The following RUNX2 variants were observed in gnomAD, a reference collection of about 807,000 sequenced individuals.
RUNX2 encodes RUNX family transcription factor 2, also known as runt-related transcription factor 2.
In RUNX2, 10 loss-of-function variants were observed where a neutral mutation model predicts 51.7. The ratio of observed to expected loss-of-function variants is 0.19; its 90% CI spans 0.12 to 0.33. The LOEUF is 0.33. Ranked by LOEUF, RUNX2 falls within the 10% of genes least tolerant of loss-of-function variation. The pLI is 1.00. For missense variants in RUNX2, 562 were observed against 691.3 expected, an observed-to-expected ratio of 0.81 and a Z score of 2.10; for synonymous variants, 276 against 273.6, an observed-to-expected ratio of 1.01 and a Z score of -0.09.
chr6:45,399,143 A>G (rs1797643722), intron 2 of RUNX2, among the ~76,000 whole-genome samples: 1 of 151,324 alleles, frequency 6.6e-6, no homozygotes, highest in Admixed American at 6.6e-5. Flanking sequence ...CCATTTTTCT[A>G]CTCCCCTGAC....
chr6:45,532,201 A>G (rs1027919867), intron 7 of RUNX2, among the ~76,000 whole-genome samples: 2 of 106,038 alleles, frequency 1.9e-5, no homozygotes, highest in African/African-American at 7.0e-5. Context: ...CATTGAATGT[A>G]TAGCTTTATT....
Position 45,449,581 on chromosome 6 carries a change from G to A in RUNX2, c.685+11530G>A, listed in dbSNP as rs1343009681. On this transcript the variant is annotated intron_variant, in intron 5 of 8. Coordinates refer to ENST00000647337, the MANE Select transcript of RUNX2 (RefSeq NM_001024630.4). ...TTTGTCAAGTCTGTGTAAGTGTTGG[G>A]CCCAGGGGATTCTTGGTTGATGTGA... is the stretch of plus-strand genomic sequence containing the variant. Among the ~76,000 whole-genome samples, 4 of 152,160 alleles carry A rather than the reference G, an allele frequency of 2.6e-5. No individual in the cohort carries two copies. The South Asian group carries it at 8.3e-4, about 31-fold the overall frequency.
At position 45,334,427 on chromosome 6, in the gene RUNX2, C is replaced by T. The variant is rs1010900510; in HGVS notation, c.58+5643C>T. ...ATAGTCATGTATCTTACACCTACAT[C>T]TATTTTGTGCTTCAGGAAAAGCAAA... On this transcript the variant is annotated intron_variant, in intron 2 of 8. Coordinates refer to ENST00000647337, the MANE Select transcript of RUNX2 (RefSeq NM_001024630.4). Among the ~76,000 whole-genome samples, 7 of 124,192 alleles carry T rather than the reference C, an allele frequency of 5.6e-5. No homozygotes were observed. In the South Asian group the frequency reaches 8.2e-4, roughly 15 times the overall value. 81.5% of individuals were successfully genotyped at this position (124,192 alleles called of 152,430 possible). A position where few individuals can be genotyped will look rare whatever the true frequency, so the allele number is the denominator to read the frequency against.
At chr6:45,387,601 C>T (rs570708459) in intron 2 of RUNX2, among the ~76,000 whole-genome samples, 6 of 152,276 alleles carry the variant, frequency 3.9e-5, no homozygotes, top group Admixed American at 2.0e-4. Context: ...TCTAAATGTC[C>T]ACATACTCTC....
intron 7 of RUNX2, among the ~76,000 whole-genome samples, chr6:45,517,830 T>A (rs181126365): frequency 4.6e-5 from 7 of 152,248 alleles, no homozygotes; most frequent in Admixed American, 4.6e-4. Flanking sequence ...ATTTGAGTAC[T>A]CAAGGTCTGT....
intron 5 of RUNX2, 58 bp from the exon 6 acceptor site, chr6:45,491,883 G>C: frequency 6.5e-7 from 1 of 1,544,558 alleles, no homozygotes; most frequent in Non-Finnish European, 8.9e-7. Flanking sequence ...TATCTATTTA[G>C]CATGGTCAAT....
intron 2 of RUNX2, among the ~76,000 whole-genome samples, chr6:45,349,497 A>G (rs1348226631): frequency 2.6e-5 from 4 of 152,198 alleles, no homozygotes; most frequent in African/African-American, 9.7e-5. Flanking sequence ...ATTTATTTGA[A>G]AGGCAAATTG....
rs763586286 is a variant in RUNX2, at chr6:45,328,451, A to T, written c.-76A>T. On this transcript the variant is annotated 5_prime_UTR_variant, in exon 1 of 9. Transcript: ENST00000647337. Reference sequence around the variant, plus strand: ...CAGGTCACTACCAGCCACCGAGACCAACAGAGTCAGTGAGTGCTCTCTAAC... The same window carrying T: ...CAGGTCACTACCAGCCACCGAGACCTACAGAGTCAGTGAGTGCTCTCTAAC... The T allele has an allele frequency of 8.2e-6, 12 of 1,468,958 alleles. No homozygotes were observed. Among genetic ancestry groups the T allele is most frequent in the Admixed American group, 1.8e-5 (1 of 55,508 alleles). The allele number at this position is 1,468,958 out of a possible 1,614,324, so 91.0% of individuals were successfully genotyped here. A position where few individuals can be genotyped will look rare whatever the true frequency, so the allele number is the denominator to read the frequency against.
chr6:45,348,218 G>A (rs1353537919), intron 2 of RUNX2, among the ~76,000 whole-genome samples: 2 of 151,956 alleles, frequency 1.3e-5, no homozygotes, highest in African/African-American at 2.4e-5. Flanking sequence ...TTAAAAGTCT[G>A]ACTCTGGAGT....
At chr6:45,418,039 T>G (rs1230662855) in intron 2 of RUNX2, among the ~76,000 whole-genome samples, 1 of 152,178 alleles carries the variant, frequency 6.6e-6, no homozygotes, top group African/African-American at 2.4e-5. Context: ...TTTATAAAGT[T>G]TTCCCATATG....
intron 2 of RUNX2, among the ~76,000 whole-genome samples, chr6:45,330,972 T>C (rs1004770371): frequency 1.3e-5 from 2 of 151,982 alleles, no homozygotes; most frequent in Non-Finnish European, 1.5e-5. Context: ...ATAATGATTA[T>C]CACCACCACC....
chr6:45,330,463 T>G (rs1787243159), intron 2 of RUNX2, among the ~76,000 whole-genome samples: 1 of 152,000 alleles, frequency 6.6e-6, no homozygotes, highest in African/African-American at 2.4e-5. Flanking sequence ...AAGTTACTCT[T>G]TCACGTTATC....
chr6:45,422,622 C>A lies in RUNX2; in HGVS notation c.88C>A (p.Pro30Thr), dbSNP rs990671181. ...GAGCACCAGCCGGCGCTTCAGCCCC[C>A]CCTCCAGCAGCCTGCAGCCCGGCAA... ...DPSTSRRFSP[P>T]SSSLQPGKMS... The change falls in exon 3 of 9, where the codon CCC becomes ACC. Residue 30 changes from proline to threonine, a missense_variant. By Grantham distance (38) the Pro-to-Thr change is conservative. Transcript: ENST00000647337. 1 of 1,607,258 alleles carries A rather than the reference C, an allele frequency of 6.2e-7. No individual in the cohort carries two copies. Among genetic ancestry groups the A allele is most frequent in the African/African-American group, 1.3e-5 (1 of 74,738 alleles).
intron 5 of RUNX2, among the ~76,000 whole-genome samples, chr6:45,470,159 G>A (rs894818410): frequency 6.6e-6 from 1 of 152,064 alleles, no homozygotes; most frequent in Non-Finnish European, 1.5e-5. Context: ...ACAAAAGTTC[G>A]TTACTATTTA....
rs10564853 is a variant in RUNX2, at chr6:45,443,036, C to CT, written c.685+5013dup. Among the ~76,000 whole-genome samples the CT allele has an allele frequency of 6.4e-3, 333 of 52,212 alleles. 51 individuals are homozygous for CT. Among genetic ancestry groups the CT allele is most frequent in the Non-Finnish European group, 8.1e-3 (257 of 31,856 alleles). The allele number at this position is 52,212 out of a possible 152,430, so 34.3% of individuals were successfully genotyped here. ...CAAAAGTGAGAGTTCTCAGGCCTTG[C>CT]TTTTTTTTTTTTTTTTTTTTTTTTT... On this transcript the variant is annotated intron_variant, in intron 5 of 8. Transcript: ENST00000647337.
chr6:45,533,844 TGTGCCCTGTTTTTAAA>T (rs1801940637), intron 7 of RUNX2, among the ~76,000 whole-genome samples: 1 of 151,626 alleles, frequency 6.6e-6, no homozygotes, highest in South Asian at 2.1e-4. Flanking sequence ...AAATGTGCCC[TGTGCCCTGTTTTTAAA>T]GAAATACCGT....
chr6:45,508,057 G>A (rs113810328), intron 6 of RUNX2, among the ~76,000 whole-genome samples: 19 of 152,202 alleles, frequency 1.2e-4, no homozygotes, highest in African/African-American at 4.3e-4. Context: ...TCTGGAAATG[G>A]TGGAGCTTGG....
chr6:45,345,833 G>C (rs1790744001), intron 2 of RUNX2, among the ~76,000 whole-genome samples: 2 of 152,184 alleles, frequency 1.3e-5, no homozygotes, highest in South Asian at 4.2e-4. Context: ...GCCAAAGCTT[G>C]CCACATTTTG....
At chr6:45,399,713 G>T (rs916761493) in intron 2 of RUNX2, among the ~76,000 whole-genome samples, 1 of 151,378 alleles carries the variant, frequency 6.6e-6, no homozygotes, top group Non-Finnish European at 1.5e-5. Context: ...AGAAAGAAGA[G>T]AGGGAGGTAG....
Sources: allele counts gnomAD v4.1 joint callset (sites outside exome capture counted in the v4.1 genomes callset), GRCh38; gene constraint gnomAD v4.1.1; transcripts MANE v1.5; gene names NCBI Gene and HGNC (gene_info 2026-07-23, HGNC 2026-07-21).